The following GALNT13 variants were observed in gnomAD, a reference collection of about 807,000 sequenced individuals.
GALNT13 encodes UDP-GalNAc:polypeptide N-acetylgalactosaminyltransferase 13.
GALNT13 carries 28 observed loss-of-function variants against 64.2 expected under a neutral mutation model. The ratio of observed to expected loss-of-function variants is 0.44; its 90% CI spans 0.32 to 0.60. The LOEUF is 0.60. Ranked by LOEUF, GALNT13 falls within the 20% of genes least tolerant of loss-of-function variation. GALNT13 has a pLI of 0.05. For missense variants in GALNT13, 577 were observed against 669.8 expected (o/e 0.86, Z 1.53); for synonymous variants, 214 against 224.6 (o/e 0.95, Z 0.42).
chr2:153,755,239 A>G, the GALNT13 span, among the ~76,000 whole-genome samples: 1 of 152,116 alleles, frequency 6.6e-6, no homozygotes. Context: ...TTAAATTGAT[A>G]TCCTTGTGGT....
chr2:153,886,451 G>A (rs1245745683), intron 1 of GALNT13, among the ~76,000 whole-genome samples: 1 of 149,530 alleles, frequency 6.7e-6, no homozygotes, highest in Admixed American at 6.7e-5. Flanking sequence ...GGAATACTAT[G>A]CAGCCATAAA....
At chr2:153,716,451 C>T in the GALNT13 span, among the ~76,000 whole-genome samples, 1 of 151,982 alleles carries the variant, frequency 6.6e-6, no homozygotes, top group African/African-American at 2.4e-5. Context: ...CCCAGGGAAA[C>T]CAAAGATTGG....
the GALNT13 span, among the ~76,000 whole-genome samples, chr2:153,141,417 T>G: frequency 6.6e-6 from 1 of 151,890 alleles, no homozygotes; most frequent in Non-Finnish European, 1.5e-5. Flanking sequence ...TAAGCTTAGG[T>G]AGAGCTTCCA....
At chr2:154,257,734 C>T (rs1216496500) in intron 7 of GALNT13, 2 of 152,090 alleles carry the variant, frequency 1.3e-5, no homozygotes, top group South Asian at 2.1e-4. Flanking sequence ...TGGTAGATGT[C>T]CAAGTACAAT....
chr2:153,893,753 T>G (rs1028661466), intron 1 of GALNT13, among the ~76,000 whole-genome samples: 1 of 152,090 alleles, frequency 6.6e-6, no homozygotes, highest in African/African-American at 2.4e-5. Flanking sequence ...ATTTACTTAG[T>G]TGATCCCTAA....
the GALNT13 span, among the ~76,000 whole-genome samples, chr2:153,457,591 A>G: frequency 1.3e-5 from 2 of 152,164 alleles, no homozygotes; most frequent in African/African-American, 2.4e-5. Context: ...AGTAGATACA[A>G]TTTCACATCA....
intron 1 of GALNT13, among the ~76,000 whole-genome samples, chr2:153,891,634 TA>T (rs1687558709): frequency 6.6e-6 from 1 of 152,040 alleles, no homozygotes; most frequent in African/African-American, 2.4e-5. Flanking sequence ...GTGCTTAATC[TA>T]AACCCAAGAC....
the GALNT13 span, among the ~76,000 whole-genome samples, chr2:153,558,681 C>T: frequency 6.6e-6 from 1 of 152,052 alleles, no homozygotes; most frequent in Admixed American, 6.5e-5. Flanking sequence ...ATGACCCTCC[C>T]CAAAGGGGAA....
chr2:153,293,021 C>T, the GALNT13 span, among the ~76,000 whole-genome samples: 1 of 152,018 alleles, frequency 6.6e-6, no homozygotes, highest in Non-Finnish European at 1.5e-5. Context: ...CTAATTTGGT[C>T]ATACCCTCTC....
At chr2:154,429,049 A>G (rs891832270) in intron 11 of GALNT13, among the ~76,000 whole-genome samples, 3 of 152,220 alleles carry the variant, frequency 2.0e-5, no homozygotes, top group Non-Finnish European at 4.4e-5. Flanking sequence ...CTCTCGCTCC[A>G]CAGACTGGCC....
chr2:154,347,193 G>C (rs906064688), intron 9 of GALNT13, among the ~76,000 whole-genome samples: 1 of 152,052 alleles, frequency 6.6e-6, no homozygotes, highest in Non-Finnish European at 1.5e-5. Context: ...AAGTTCTAGA[G>C]ATTTTGCTTT....
the GALNT13 span, among the ~76,000 whole-genome samples, chr2:153,316,639 CA>C: frequency 6.3e-3 from 437 of 69,856 alleles, 5 homozygotes; most frequent in Middle Eastern, 0.01. Flanking sequence ...GACTCCGTCT[CA>C]AAAAAAAAAA....
At chr2:153,961,205 A>G (rs1320746304) in intron 3 of GALNT13, among the ~76,000 whole-genome samples, 1 of 152,200 alleles carries the variant, frequency 6.6e-6, no homozygotes, top group Non-Finnish European at 1.5e-5. Context: ...GAGGAAGAAT[A>G]CATATTTTTG....
the GALNT13 span, among the ~76,000 whole-genome samples, chr2:153,651,457 C>T: frequency 6.6e-6 from 1 of 152,168 alleles, no homozygotes; most frequent in African/African-American, 2.4e-5. Context: ...TAGACAGTAT[C>T]ATGTCCGTTG....
At chr2:154,329,213 C>T (rs970257251) in intron 9 of GALNT13, among the ~76,000 whole-genome samples, 1 of 152,140 alleles carries the variant, frequency 6.6e-6, no homozygotes, top group African/African-American at 2.4e-5. Context: ...TCAAGAGATT[C>T]TCCTGCCTCC....
the GALNT13 span, among the ~76,000 whole-genome samples, chr2:153,311,752 A>G: frequency 5.9e-3 from 893 of 152,328 alleles, 9 homozygotes; most frequent in African/African-American, 0.021. Context: ...GAAGGAAGCT[A>G]TGGTGTTTTC....
At chr2:154,204,410 A>T (rs1003408161) in intron 4 of GALNT13, among the ~76,000 whole-genome samples, 1 of 152,226 alleles carries the variant, frequency 6.6e-6, no homozygotes, top group African/African-American at 2.4e-5. Context: ...TTAACTGAAT[A>T]AATAAAATAA....
the GALNT13 span, among the ~76,000 whole-genome samples, chr2:153,244,583 G>C: frequency 6.6e-6 from 1 of 152,242 alleles, no homozygotes; most frequent in East Asian, 1.9e-4. Flanking sequence ...AGCCATGAAG[G>C]ACTGTGCAAC....
intron 9 of GALNT13, among the ~76,000 whole-genome samples, chr2:154,355,718 G>T (rs1358139573): frequency 1.3e-5 from 2 of 152,026 alleles, no homozygotes; most frequent in African/African-American, 4.8e-5. Context: ...TAGTTCGAGA[G>T]GCTGCATAAA....
Sources: gnomAD v4.1 joint callset for allele counts (sites outside exome capture counted in the v4.1 genomes callset) on GRCh38, gnomAD v4.1.1 for gene constraint, MANE v1.5 for transcripts, NCBI Gene and HGNC (gene_info 2026-07-23, HGNC 2026-07-21) for gene names.